The following ADGRB3 variants were observed in gnomAD, a reference collection of about 807,000 sequenced individuals.
The protein encoded by ADGRB3 is adhesion G protein-coupled receptor B3.
ADGRB3 carries 37 observed loss-of-function variants against 193.4 expected under a neutral mutation model. That is an observed-to-expected ratio of 0.19 (90% CI 0.15 to 0.25). The LOEUF is 0.25. Ranked by LOEUF, ADGRB3 falls within the 10% of genes least tolerant of loss-of-function variation. ADGRB3 has a pLI of 1.00. For missense variants in ADGRB3, 1,637 were observed against 1,852.9 expected (o/e 0.88, Z 2.14); for synonymous variants, 690 against 644.2 (o/e 1.07, Z -1.08).
At chr6:69,146,140 C>T (rs1582497319) in intron 17 of ADGRB3, among the ~76,000 whole-genome samples, 2 of 152,116 alleles carry the variant, frequency 1.3e-5, no homozygotes, top group East Asian at 1.9e-4. Context: ...CTAAGGGTCA[C>T]CTGCAGGTGA....
chr6:68,852,851 ATTTTG>A (rs1318701875), intron 3 of ADGRB3, among the ~76,000 whole-genome samples: 3 of 152,104 alleles, frequency 2.0e-5, no homozygotes, highest in Non-Finnish European at 4.4e-5. Flanking sequence ...TTTTGTTAGA[ATTTTG>A]TTTTAAGTAG....
intron 17 of ADGRB3, among the ~76,000 whole-genome samples, chr6:69,099,403 C>T (rs1042835171): frequency 5.3e-5 from 8 of 152,196 alleles, no homozygotes; most frequent in African/African-American, 1.7e-4. Flanking sequence ...TTACCTACCT[C>T]CTGTGCTAAT....
intron 3 of ADGRB3, among the ~76,000 whole-genome samples, chr6:68,779,242 G>A (rs1463483411): frequency 6.6e-6 from 1 of 150,962 alleles, no homozygotes; most frequent in Admixed American, 6.6e-5. Context: ...GTGTGTGTGT[G>A]TGTGTGTGTG....
chr6:68,988,606 C>A (rs1006111746), intron 10 of ADGRB3, among the ~76,000 whole-genome samples: 2 of 151,980 alleles, frequency 1.3e-5, no homozygotes, highest in African/African-American at 4.8e-5. Flanking sequence ...CCTAGGAATC[C>A]TTAGGTATTG....
intron 17 of ADGRB3, among the ~76,000 whole-genome samples, chr6:69,131,111 T>C (rs1773996215): frequency 6.6e-6 from 1 of 152,104 alleles, no homozygotes; most frequent in Admixed American, 6.6e-5. Flanking sequence ...TAAAATCTAG[T>C]ATAAGTTAGC....
chr6:69,047,344 A>G (rs1235193883), intron 13 of ADGRB3, among the ~76,000 whole-genome samples: 5 of 151,488 alleles, frequency 3.3e-5, no homozygotes. Context: ...TGGAGTATTT[A>G]TCATCATAGT....
At chr6:68,851,864 G>T (rs958163511) in intron 3 of ADGRB3, among the ~76,000 whole-genome samples, 1 of 151,734 alleles carries the variant, frequency 6.6e-6, no homozygotes, top group Admixed American at 6.6e-5. Flanking sequence ...ATAAATAAAA[G>T]TTACACTAAA....
At chr6:69,302,511 A>G (rs551860643) in intron 20 of ADGRB3, among the ~76,000 whole-genome samples, 16 of 152,024 alleles carry the variant, frequency 1.1e-4, no homozygotes, top group African/African-American at 3.9e-4. Context: ...CCACAACTCC[A>G]TGAGTTTAAC....
chr6:68,781,525 G>A (rs1412002963), intron 3 of ADGRB3, among the ~76,000 whole-genome samples: 1 of 152,064 alleles, frequency 6.6e-6, no homozygotes, highest in Non-Finnish European at 1.5e-5. Flanking sequence ...CTTAAACTTT[G>A]TGGGCTCCTA....
intron 17 of ADGRB3, among the ~76,000 whole-genome samples, chr6:69,223,650 CTCTTTT>C (rs1253835042): frequency 2.8e-4 from 38 of 137,008 alleles, no homozygotes; most frequent in Non-Finnish European, 4.7e-4. Flanking sequence ...CTCTCTCTCT[CTCTTTT>C]TTTTTTTTTT....
chr6:69,114,225 T>C (rs1482093219), intron 17 of ADGRB3, among the ~76,000 whole-genome samples: 1 of 152,206 alleles, frequency 6.6e-6, no homozygotes, highest in Non-Finnish European at 1.5e-5. Context: ...AACCTGAGGC[T>C]TGGAAAAGTG....
intron 3 of ADGRB3, among the ~76,000 whole-genome samples, chr6:68,812,824 A>ACC (rs551804466): frequency 1.1e-4 from 14 of 132,248 alleles, no homozygotes; most frequent in African/African-American, 4.0e-4. Context: ...TCCCTCCCCT[A>ACC]GCCCCCCAAC....
At chr6:69,279,992 G>A (rs1767399916) in intron 20 of ADGRB3, among the ~76,000 whole-genome samples, 1 of 152,154 alleles carries the variant, frequency 6.6e-6, no homozygotes, top group African/African-American at 2.4e-5. Context: ...GGCCTCCCAC[G>A]GTTGTGAGGC....
chr6:68,944,543 A>G (rs1767725312), intron 6 of ADGRB3, among the ~76,000 whole-genome samples: 1 of 152,070 alleles, frequency 6.6e-6, no homozygotes, highest in Non-Finnish European at 1.5e-5. Context: ...GAGTGTATTT[A>G]TGTTATCTTA....
intron 20 of ADGRB3, among the ~76,000 whole-genome samples, chr6:69,252,573 A>G (rs1011018218): frequency 1.1e-4 from 16 of 152,120 alleles, no homozygotes; most frequent in Admixed American, 5.2e-4. Context: ...TCTTGGCAAC[A>G]TTTTAATTTA....
chr6:69,153,614 G>A (rs1260248571), intron 17 of ADGRB3, among the ~76,000 whole-genome samples: 2 of 152,024 alleles, frequency 1.3e-5, no homozygotes, highest in Non-Finnish European at 2.9e-5. Flanking sequence ...AACAAATGTG[G>A]GAAATTTCAA....
At chr6:68,737,546 T>C (rs545446965) in intron 3 of ADGRB3, among the ~76,000 whole-genome samples, 1 of 152,158 alleles carries the variant, frequency 6.6e-6, no homozygotes, top group Admixed American at 6.6e-5. Flanking sequence ...TGTTCCCCCA[T>C]ACAATAAGAA....
At chr6:68,940,341 A>G (rs1220115975) in intron 5 of ADGRB3, among the ~76,000 whole-genome samples, 1 of 151,828 alleles carries the variant, frequency 6.6e-6, no homozygotes, top group Non-Finnish European at 1.5e-5. Flanking sequence ...GTATTTTTTT[A>G]ATGTTTAACA....
chr6:68,929,218 T>C (rs1767269554), intron 3 of ADGRB3, among the ~76,000 whole-genome samples: 1 of 152,188 alleles, frequency 6.6e-6, no homozygotes, highest in Non-Finnish European at 1.5e-5. Context: ...ATTTTTAAAA[T>C]ATATTACATA....
Sources: gnomAD v4.1 joint callset for allele counts (sites outside exome capture counted in the v4.1 genomes callset) on GRCh38, gnomAD v4.1.1 for gene constraint, MANE v1.5 for transcripts, NCBI Gene and HGNC (gene_info 2026-07-23, HGNC 2026-07-21) for gene names.